Variants in TNS3 observed in about 807,000 individuals in gnomAD.
The protein encoded by TNS3 is tensin-3.
TNS3 carries 45 observed loss-of-function variants against 140.9 expected under a neutral mutation model. The observed-to-expected ratio is 0.32, with a 90% CI of 0.25 to 0.41. The LOEUF is 0.41. Ranked by LOEUF, TNS3 falls within the 10% of genes least tolerant of loss-of-function variation. The pLI, the probability that TNS3 is intolerant of heterozygous loss-of-function variation, is 1.00. For synonymous variants in TNS3, 815 were observed against 788.4 expected (o/e 1.03, Z -0.56); for missense variants, 1,716 against 1,906.7 (o/e 0.90, Z 1.86).
intron 4 of TNS3, chr7:47,453,042 G>C: frequency 1.0e-6 from 1 of 985,460 alleles, no homozygotes; most frequent in Non-Finnish European, 1.2e-6. Flanking sequence ...ACCCCTCTTC[G>C]TGTTAATGTC....
Position 47,302,204 on chromosome 7 carries a change from C to A in TNS3, c.3526G>T (p.Asp1176Tyr). 2.5e-6 allele frequency: 4 copies of A among 1,614,188 alleles called. No homozygotes were observed. Among genetic ancestry groups the A allele is most frequent in the Non-Finnish European group, 2.5e-6 (3 of 1,179,996 alleles). ...QDTSKFWYKA[D>Y]ISREQAIAML... ...CACATACCTTGTTCTCTTGAAATAT[C>A]CGCCTTGTACCAGAACTTGGAAGTG... The change falls in exon 23 of 31, where the codon GAT becomes TAT. Residue 1176 changes from aspartate to tyrosine, a missense_variant. Around this residue, in one of 3 missense-constraint regions of TNS3, gnomAD observed 1,163 missense variants for 1,182.1 expected, o/e 0.98. Coordinates refer to ENST00000311160, the MANE Select transcript of TNS3 (RefSeq NM_022748.12).
In TNS3 at chr7:47,275,475, C is replaced by A. The variant is rs1310200041; in HGVS notation, c.*2601G>T. 1 of 268,112 alleles carries A rather than the reference C, an allele frequency of 3.7e-6. No homozygotes were observed. The highest frequency in any genetic ancestry group is 7.4e-6 in the Non-Finnish European group (1 of 135,748). The allele number at this position is 268,112 out of a possible 1,614,324, so 16.6% of individuals were successfully genotyped here. ...AGTTCGTGAACTCTCCGCATTTACTCCCCAGGGCAGTACGTGCCTGTCCAG... is the reference window on the plus strand; with the variant it reads ...AGTTCGTGAACTCTCCGCATTTACTACCCAGGGCAGTACGTGCCTGTCCAG... On this transcript the variant is annotated 3_prime_UTR_variant, in exon 31 of 31. Transcript: ENST00000311160.
chr7:47,382,694 T>C (rs965709309), intron 16 of TNS3, among the ~76,000 whole-genome samples: 1 of 147,976 alleles, frequency 6.8e-6, no homozygotes, highest in South Asian at 2.1e-4. Context: ...CCTGTGAGTA[T>C]ACTAAATCTG....
At chr7:47,396,646 C>A (rs1562686403) in intron 16 of TNS3, 154 bp downstream of exon 16, 1 of 685,922 alleles carries the variant, frequency 1.5e-6, no homozygotes, top group Non-Finnish European at 2.6e-6. Context: ...TCAAAACTCA[C>A]AACTGTGTCA....
rs190768183 is a variant in TNS3 at position 47,393,276 on chromosome 7, T to C, written c.1024+3524A>G. ...AAATATTGATACAAGCTTAAATGTA[T>C]GTAAAAGAAAGAAAGAAAAGCATAA... On this transcript the variant is annotated intron_variant, in intron 16 of 30. Transcript: ENST00000311160. Among the ~76,000 whole-genome samples, 12 of 152,264 alleles carry C rather than the reference T, an allele frequency of 7.9e-5. No homozygotes were observed. In the East Asian group the frequency reaches 1.9e-3, roughly 24 times the overall value.
chr7:47,537,581 T>C (rs78629575), intron 1 of TNS3, among the ~76,000 whole-genome samples: 3,784 of 152,184 alleles, frequency 0.025, 167 homozygotes, highest in African/African-American at 0.086. Context: ...TCAGCTTTAC[T>C]AGGATTTCAA....
In TNS3 at chr7:47,507,615, G is replaced by A. The variant is rs1276852520; in HGVS notation, c.-152-671C>T. 7.9e-5 allele frequency among the ~76,000 whole-genome samples: 12 copies of A among 152,316 alleles called. No homozygotes were observed. In the East Asian group the frequency reaches 2.3e-3, roughly 29 times the overall value. On this transcript the variant is annotated intron_variant, in intron 2 of 30. Coordinates refer to ENST00000311160, the MANE Select transcript of TNS3 (RefSeq NM_022748.12). The stretch of plus-strand genomic sequence containing the variant: ...CCTTCGGAGGCCCTAACAATGCAAT[G>A]CAGAGCTGGAACCAATGCGGATTTC...
chr7:47,524,983 TG>T (rs993503081), intron 2 of TNS3, among the ~76,000 whole-genome samples: 11 of 152,080 alleles, frequency 7.2e-5, no homozygotes, highest in Admixed American at 4.6e-4. Flanking sequence ...CTTCAAGGGA[TG>T]AAAAAAGGTA....
intron 3 of TNS3, among the ~76,000 whole-genome samples, chr7:47,491,578 CG>C (rs1483825922): frequency 6.6e-6 from 1 of 152,128 alleles, no homozygotes; most frequent in Non-Finnish European, 1.5e-5. Context: ...GCATAGTTAC[CG>C]AAGGCCATCT....
intron 4 of TNS3, among the ~76,000 whole-genome samples, chr7:47,446,553 C>T (rs1313638218): frequency 6.6e-6 from 1 of 152,158 alleles, no homozygotes; most frequent in Non-Finnish European, 1.5e-5. Context: ...TCACCTGTGT[C>T]CCTGTTGGCA....
At chr7:47,460,218 A>G (rs1181874207) in intron 4 of TNS3, among the ~76,000 whole-genome samples, 1 of 38,246 alleles carries the variant, frequency 2.6e-5, no homozygotes, top group African/African-American at 6.4e-5. Context: ...GTCCCAAAAA[A>G]AAAAAAAAAA....
chr7:47,299,245 C>G (rs181879283), intron 23 of TNS3, among the ~76,000 whole-genome samples: 28 of 152,298 alleles, frequency 1.8e-4, no homozygotes, highest in Admixed American at 1.5e-3. Context: ...CCAAGTGATC[C>G]TCCCACCTCA....
upstream of TNS3, chr7:47,582,365 A>G (rs1784557924): frequency 1.3e-5 from 6 of 453,750 alleles, no homozygotes; most frequent in Admixed American, 1.4e-4. Flanking sequence ...AGACCCATTG[A>G]GCAGCCCAGG....
At position 47,466,512 on chromosome 7, in the gene TNS3, T is replaced by C. The variant is rs182379132; in HGVS notation, c.-76+14591A>G. On this transcript the variant is annotated intron_variant, in intron 4 of 30. Transcript: ENST00000311160. ...AAAGACTGGGGTTGTTTCCACACAG[T>C]AGAATTCCCTCTGCCCTGGATTTCG... Among the ~76,000 whole-genome samples, 166 of 152,330 alleles carry C rather than the reference T, an allele frequency of 1.1e-3. 1 individual carries two copies. The Middle Eastern group carries it at 0.017, about 16-fold the overall frequency.
At chr7:47,368,271 G>GC (rs1389750666) in intron 17 of TNS3, 94 bp downstream of exon 17, 8 of 1,261,810 alleles carry the variant, frequency 6.3e-6, no homozygotes, top group Non-Finnish European at 8.2e-6. Flanking sequence ...TGTGGATTTC[G>GC]CCAAAAGCTA....
At chr7:47,288,121 G>A (rs886796973) in intron 27 of TNS3, among the ~76,000 whole-genome samples, 18 of 152,154 alleles carry the variant, frequency 1.2e-4, no homozygotes, top group African/African-American at 3.4e-4. Context: ...GTGAAATTGC[G>A]TGTGCCCTGG....
At chr7:47,422,540 G>GA (rs1443478119) in intron 10 of TNS3, among the ~76,000 whole-genome samples, 1 of 152,078 alleles carries the variant, frequency 6.6e-6, no homozygotes, top group African/African-American at 2.4e-5. Flanking sequence ...TTGAGCCCAG[G>GA]AGGTTGAGGC....
intron 4 of TNS3, chr7:47,453,120 G>C: frequency 1.0e-6 from 1 of 985,776 alleles, no homozygotes; most frequent in African/African-American, 1.7e-5. Context: ...GGTGAGTGTG[G>C]GAGTCCCCAG....
At chr7:47,541,994 A>T (rs1332106038) in intron 1 of TNS3, among the ~76,000 whole-genome samples, 2 of 151,522 alleles carry the variant, frequency 1.3e-5, no homozygotes, top group African/African-American at 4.9e-5. Flanking sequence ...CAGAGAGGCA[A>T]TGGGAGTCCT....
Sources: allele counts gnomAD v4.1 joint callset (sites outside exome capture counted in the v4.1 genomes callset), GRCh38; gene constraint gnomAD v4.1.1; regional missense constraint gnomAD v4.1.1; transcripts MANE v1.5; gene names NCBI Gene and HGNC (gene_info 2026-07-23, HGNC 2026-07-21).